The following LEKR1 variants were observed in gnomAD, a reference collection of about 807,000 sequenced individuals.
LEKR1 encodes the protein leucine, glutamate and lysine rich 1.
In LEKR1, 59 loss-of-function variants were observed where a neutral mutation model predicts 72.4. The observed-to-expected ratio is 0.82, with a 90% CI of 0.66 to 1.01. The LOEUF is 1.01. Ranked by LOEUF, LEKR1 falls within the 50% of genes least tolerant of loss-of-function variation. The pLI, the probability that LEKR1 is intolerant of heterozygous loss-of-function variation, is 0.00. For synonymous variants in LEKR1, 257 were observed against 263.2 expected, an observed-to-expected ratio of 0.98 and a Z score of 0.23; for missense variants, 728 against 759.2, an observed-to-expected ratio of 0.96 and a Z score of 0.48.
intron 5 of LEKR1, among the ~76,000 whole-genome samples, chr3:156,936,336 A>G (rs1725696494): frequency 1.3e-5 from 2 of 151,854 alleles, no homozygotes; most frequent in Admixed American, 6.6e-5. Context: ...GCATTCTAAG[A>G]GCAGGTCTCT....
At chr3:157,036,323 G>A (rs920433753) in intron 12 of LEKR1, among the ~76,000 whole-genome samples, 1 of 152,016 alleles carries the variant, frequency 6.6e-6, no homozygotes, top group African/African-American at 2.4e-5. Context: ...CAATATTTGG[G>A]TTAGATGATA....
intron 9 of LEKR1, among the ~76,000 whole-genome samples, chr3:157,006,252 G>A (rs1440710770): frequency 3.3e-5 from 5 of 151,646 alleles, no homozygotes; most frequent in African/African-American, 7.3e-5. Context: ...TGATCCACCC[G>A]CCTCGGCCTC....
intron 3 of LEKR1, among the ~76,000 whole-genome samples, chr3:156,913,839 A>G (rs1181519950): frequency 6.6e-6 from 1 of 152,222 alleles, no homozygotes; most frequent in African/African-American, 2.4e-5. Flanking sequence ...CAATTTCTGC[A>G]CACACACAGA....
At chr3:156,847,983 C>G (rs1003680157) in intron 2 of LEKR1, among the ~76,000 whole-genome samples, 1 of 152,176 alleles carries the variant, frequency 6.6e-6, no homozygotes, top group Admixed American at 6.5e-5. Flanking sequence ...ATTCATCAGG[C>G]TGCAAATCTA....
At chr3:157,022,259 G>T (rs919066456) in intron 10 of LEKR1, among the ~76,000 whole-genome samples, 4 of 152,138 alleles carry the variant, frequency 2.6e-5, no homozygotes, top group African/African-American at 9.7e-5. Context: ...GCCATATACA[G>T]GAGTTTTGAT....
intron 5 of LEKR1, among the ~76,000 whole-genome samples, chr3:156,941,034 T>C (rs1250059978): frequency 6.6e-6 from 1 of 152,122 alleles, no homozygotes; most frequent in Non-Finnish European, 1.5e-5. Flanking sequence ...CCTTATTTTC[T>C]TTAACTCCAT....
chr3:156,852,721 T>C (rs1560025446), intron 2 of LEKR1, 47 bp from the exon 3 acceptor site: 5 of 977,412 alleles, frequency 5.1e-6, no homozygotes. Context: ...TTGAACTTGT[T>C]TTTTCAGAAT....
Position 157,035,151 on chromosome 3 carries a change from T to G in LEKR1, c.1668+6749T>G, listed in dbSNP as rs144494422. ...CTATTGCACACTTAACTACAGTATGTTGTAAACATAATTTTTATATGCAAT... is the reference window on the plus strand; with the variant it reads ...CTATTGCACACTTAACTACAGTATGGTGTAAACATAATTTTTATATGCAAT... On this transcript the variant is annotated intron_variant, in intron 12 of 12. Coordinates refer to ENST00000356539, the MANE Select transcript of LEKR1 (RefSeq NM_001004316.3). Among the ~76,000 whole-genome samples the G allele has an allele frequency of 1.3e-3, 204 of 152,356 alleles. 7 individuals are homozygous for G. The East Asian group carries it at 0.026, about 19-fold the overall frequency.
chr3:156,914,932 C>G (rs1723467674), intron 3 of LEKR1, among the ~76,000 whole-genome samples: 1 of 151,992 alleles, frequency 6.6e-6, no homozygotes, highest in Non-Finnish European at 1.5e-5. Context: ...CTTATCTTTT[C>G]CCCCTTCCAC....
intron 3 of LEKR1, among the ~76,000 whole-genome samples, chr3:156,903,043 G>A (rs908474870): frequency 1.3e-5 from 2 of 151,962 alleles, no homozygotes. Context: ...AATTATTGCA[G>A]TGATTAGCTT....
At chr3:156,907,872 A>T (rs1722681911) in intron 3 of LEKR1, among the ~76,000 whole-genome samples, 1 of 152,102 alleles carries the variant, frequency 6.6e-6, no homozygotes, top group South Asian at 2.1e-4. Flanking sequence ...TCAACCTGGA[A>T]TTCCACATTG....
chr3:156,941,656 AAGC>A (rs1726221432), intron 5 of LEKR1, among the ~76,000 whole-genome samples: 1 of 152,122 alleles, frequency 6.6e-6, no homozygotes, highest in Non-Finnish European at 1.5e-5. Flanking sequence ...ATGTCTGAAA[AAGC>A]AGACTGTCCA....
chr3:156,903,221 T>C (rs1224986032), intron 3 of LEKR1, among the ~76,000 whole-genome samples: 1 of 152,166 alleles, frequency 6.6e-6, no homozygotes, highest in African/African-American at 2.4e-5. Context: ...TGCCTTTCCA[T>C]TGTAATTTGA....
At chr3:157,027,694 G>A (rs1734300509) in intron 11 of LEKR1, among the ~76,000 whole-genome samples, 2 of 152,192 alleles carry the variant, frequency 1.3e-5, no homozygotes, top group South Asian at 4.2e-4. Flanking sequence ...ATGAGTCTGT[G>A]ATCCAGCTAC....
At chr3:156,870,011 C>A (rs1717742615) in intron 3 of LEKR1, among the ~76,000 whole-genome samples, 1 of 151,972 alleles carries the variant, frequency 6.6e-6, no homozygotes, top group Non-Finnish European at 1.5e-5. Flanking sequence ...AATCCTCTGG[C>A]TGGAAATATG....
Position 156,892,155 on chromosome 3 carries a change from G to T in LEKR1, c.264-28420G>T, listed in dbSNP as rs1720732494. Among the ~76,000 whole-genome samples the T allele has an allele frequency of 2.0e-5, 3 of 152,150 alleles. No individual in the cohort carries two copies. The South Asian group carries it at 6.2e-4, about 32-fold the overall frequency. The stretch of plus-strand genomic sequence containing the variant: ...AACAATCGGGGAGAGGGGATAAGAA[G>T]AAGAAAGGCAGGTGGGTAGGAGGTC... On this transcript the variant is annotated intron_variant, in intron 3 of 12. Transcript: ENST00000356539.
chr3:156,996,433 AGGCAGGGTCACAT>A lies in LEKR1; in HGVS notation c.1109+3157_1109+3169del, dbSNP rs538205958. 5.8e-3 allele frequency among the ~76,000 whole-genome samples: 884 copies of A among 152,278 alleles called. 3 individuals are homozygous for A. Among genetic ancestry groups the A allele is most frequent in the Non-Finnish European group, 8.8e-3 (596 of 68,026 alleles). On this transcript the variant is annotated intron_variant, in intron 9 of 12. Transcript: ENST00000356539. ...GTGGCATAGTAAGTGTGAGTGATGCAGGCAGGGTCACATCATGCAGGGCCTTGCAGGCCTTTGG... is the reference window on the plus strand; with the variant it reads ...GTGGCATAGTAAGTGTGAGTGATGCACATGCAGGGCCTTGCAGGCCTTTGG...
chr3:156,980,199 A>G (rs987722684), intron 7 of LEKR1, among the ~76,000 whole-genome samples: 27 of 152,194 alleles, frequency 1.8e-4, no homozygotes, highest in African/African-American at 6.5e-4. Context: ...TGAACCTCAT[A>G]AAAACATAAA....
intron 3 of LEKR1, among the ~76,000 whole-genome samples, chr3:156,877,769 CCTTT>C (rs1428624985): frequency 1.3e-5 from 2 of 151,808 alleles, no homozygotes; most frequent in Non-Finnish European, 2.9e-5. Flanking sequence ...CTTTTTGTTT[CCTTT>C]ATTTTTATTT....
Sources: gnomAD v4.1 joint callset for allele counts (sites outside exome capture counted in the v4.1 genomes callset) on GRCh38, gnomAD v4.1.1 for gene constraint, MANE v1.5 for transcripts, NCBI Gene and HGNC (gene_info 2026-07-23, HGNC 2026-07-21) for gene names.